The following ENTREP3 variants were observed in gnomAD, a reference collection of about 807,000 sequenced individuals.
ENTREP3 encodes protein ENTREP3.
the ENTREP3 span, among the ~76,000 whole-genome samples, chr1:155,249,603 G>A: frequency 2.0e-5 from 3 of 151,682 alleles, no homozygotes; most frequent in Non-Finnish European, 4.4e-5. Context: ...AAATTGCCCG[G>A]GCACGGTGAC....
the ENTREP3 span, chr1:155,254,463 A>G: frequency 6.2e-7 from 1 of 1,614,124 alleles, no homozygotes; most frequent in Non-Finnish European, 8.5e-7. The surrounding 1 kb of genome is among the most constrained non-coding windows in gnomAD (Gnocchi z 4.4). Flanking sequence ...CCAGCTGGGG[A>G]CAGAGTGGGC....
At chr1:155,251,614 G>GA in the ENTREP3 span, 25 of 1,612,224 alleles carry the variant, frequency 1.6e-5, no homozygotes, top group African/African-American at 2.7e-5. Context: ...GGCAGATGAG[G>GA]AAGAGGGTCA....
the ENTREP3 span, chr1:155,250,461 C>T: frequency 2.8e-5 from 42 of 1,475,344 alleles, no homozygotes; most frequent in Non-Finnish European, 3.7e-5. This position sits in a 1 kb window ranked among gnomAD's most constrained non-coding sequence, Gnocchi z 5.4. Context: ...CCGGGGGACC[C>T]GCCGCCTCAG....
At chr1:155,255,191 C>G in the ENTREP3 span, 1 of 450,810 alleles carries the variant, frequency 2.2e-6, no homozygotes. This position sits in a 1 kb window ranked among gnomAD's most constrained non-coding sequence, Gnocchi z 5.6. Flanking sequence ...CGAGAAGGGC[C>G]GGTCCAGGAG....
the ENTREP3 span, chr1:155,250,596 C>T: frequency 1.2e-6 from 2 of 1,606,990 alleles, no homozygotes; most frequent in Non-Finnish European, 1.7e-6. This position sits in a 1 kb window ranked among gnomAD's most constrained non-coding sequence, Gnocchi z 5.4. Flanking sequence ...GCGGGCAGCC[C>T]GTGGGGGGCG....
the ENTREP3 span, chr1:155,253,326 T>A: frequency 3.3e-6 from 1 of 307,320 alleles, no homozygotes; most frequent in Non-Finnish European, 6.0e-6. Context: ...ATTACAGGAA[T>A]GAGCCACCGT....
the ENTREP3 span, chr1:155,254,928 A>T: frequency 1.1e-5 from 15 of 1,421,670 alleles, no homozygotes; most frequent in Middle Eastern, 2.4e-4. This position sits in a 1 kb window ranked among gnomAD's most constrained non-coding sequence, Gnocchi z 4.4. Flanking sequence ...GGCACTTGGG[A>T]GCATCTCAGA....
At chr1:155,252,625 C>A in the ENTREP3 span, 2 of 144,140 alleles carry the variant, frequency 1.4e-5, no homozygotes, top group Non-Finnish European at 3.0e-5. Flanking sequence ...CTGCCTTGGC[C>A]TCCCAAAGTG....
At chr1:155,247,521 GT>G in the ENTREP3 span, 1 of 695,966 alleles carries the variant, frequency 1.4e-6, no homozygotes. Flanking sequence ...ACAAGAATTT[GT>G]TTTCCTCCTC....
At chr1:155,252,711 TA>T in the ENTREP3 span, 4 of 56,010 alleles carry the variant, frequency 7.1e-5, no homozygotes, top group Non-Finnish European at 1.0e-4. Context: ...TATATATATA[TA>T]TATATATATA....
At chr1:155,252,723 T>TATATATATATATA in the ENTREP3 span, 17 of 27,638 alleles carry the variant, frequency 6.2e-4, no homozygotes, top group South Asian at 2.8e-3. Context: ...TATATATATA[T>TATATATATATATA]TTTTTTTTTT....
At chr1:155,251,242 A>ATC in the ENTREP3 span, 1 of 1,191,036 alleles carries the variant, frequency 8.4e-7, no homozygotes, top group South Asian at 1.5e-5. Context: ...CTGGAGACTT[A>ATC]GATTCCAGAC....
chr1:155,250,236 T>C, the ENTREP3 span: 6 of 1,520,480 alleles, frequency 3.9e-6, no homozygotes, highest in African/African-American at 7.0e-5. The surrounding 1 kb of genome is among the most constrained non-coding windows in gnomAD (Gnocchi z 5.4). Flanking sequence ...TCCCAGTGCC[T>C]ACCCTCTCCT....
the ENTREP3 span, chr1:155,254,841 T>C: frequency 6.3e-7 from 1 of 1,593,632 alleles, no homozygotes; most frequent in East Asian, 2.3e-5. This position sits in a 1 kb window ranked among gnomAD's most constrained non-coding sequence, Gnocchi z 4.4. Context: ...GGCCGGCTGG[T>C]CAGCGAGCGG....
chr1:155,255,224 A>T, the ENTREP3 span: 1 of 375,160 alleles, frequency 2.7e-6, no homozygotes, highest in East Asian at 4.8e-5. The surrounding 1 kb of genome is among the most constrained non-coding windows in gnomAD (Gnocchi z 5.6). Context: ...GGCGGCCTGG[A>T]GCCCAGGGAG....
the ENTREP3 span, chr1:155,250,534 C>T: frequency 6.4e-7 from 1 of 1,550,812 alleles, no homozygotes; most frequent in African/African-American, 1.4e-5. This position sits in a 1 kb window ranked among gnomAD's most constrained non-coding sequence, Gnocchi z 5.4. Flanking sequence ...CTGCGGGCAG[C>T]TGTGGGGGCA....
At chr1:155,251,125 T>G in the ENTREP3 span, 1 of 1,612,666 alleles carries the variant, frequency 6.2e-7, no homozygotes, top group Non-Finnish European at 8.5e-7. Flanking sequence ...CGTTCACAGA[T>G]GCACGAGCCA....
At chr1:155,248,265 A>G in the ENTREP3 span, 1 of 1,601,552 alleles carries the variant, frequency 6.2e-7, no homozygotes, top group South Asian at 1.1e-5. Context: ...GGGGAAGGGC[A>G]GCGGGCTAGG....
the ENTREP3 span, chr1:155,247,833 G>A: frequency 8.8e-5 from 130 of 1,485,268 alleles, no homozygotes; most frequent in Non-Finnish European, 1.1e-4. Flanking sequence ...TGTGGGGGCG[G>A]GTACCACGCT....
Sources: allele counts gnomAD v4.1 joint callset (sites outside exome capture counted in the v4.1 genomes callset), GRCh38; gene constraint gnomAD v4.1.1; non-coding constraint Gnocchi (gnomAD v3.1); transcripts MANE v1.5; gene names NCBI Gene and HGNC (gene_info 2026-07-23, HGNC 2026-07-21).